Variants in DENND1A observed in about 807,000 individuals in gnomAD.
DENND1A encodes the protein DENN domain containing 1A.
A neutral mutation model predicts 113.7 loss-of-function variants in DENND1A; 51 were observed. The observed-to-expected ratio is 0.45, with a 90% CI of 0.36 to 0.57. The LOEUF is 0.57. Among genes scored for constraint, DENND1A ranks in the 20% least tolerant of loss-of-function variants. The pLI is 0.00. For synonymous variants in DENND1A, 565 were observed against 570.8 expected (o/e 0.99, Z 0.14); for missense variants, 1,258 against 1,395.9 (o/e 0.90, Z 1.57).
At position 123,680,924 on chromosome 9, in the gene DENND1A, G is replaced by T. The variant is rs574895982; in HGVS notation, c.303-4135C>A. On this transcript the variant is annotated intron_variant, in intron 5 of 23. Transcript: ENST00000394215. ...GGCAGCAACCACCTGGGAGAATGCT[G>T]GTCCACAGCAGGACATCAGACTCAG... 3.9e-5 allele frequency among the ~76,000 whole-genome samples: 6 copies of T among 152,262 alleles called. No individual in the cohort carries two copies. In the South Asian group the frequency reaches 1.2e-3, roughly 32 times the overall value.
chr9:123,560,999 C>T (rs562183427), intron 12 of DENND1A, among the ~76,000 whole-genome samples: 1 of 152,230 alleles, frequency 6.6e-6, no homozygotes, highest in East Asian at 1.9e-4. Flanking sequence ...TATTAACATG[C>T]TAAAAATACT....
At position 123,836,050 on chromosome 9, in the gene DENND1A, T is replaced by G. The variant is rs78696202; in HGVS notation, c.88+42901A>C. On this transcript the variant is annotated intron_variant, in intron 2 of 23. Coordinates refer to ENST00000394215, the MANE Select transcript of DENND1A (RefSeq NM_001352964.2). ...CACACAGTAGGTGTTTGGCAGTTACTATTATTATTTCTCCTTGGTTCCGGG... is the reference window on the plus strand; with the variant it reads ...CACACAGTAGGTGTTTGGCAGTTACGATTATTATTTCTCCTTGGTTCCGGG... Among the ~76,000 whole-genome samples the G allele has an allele frequency of 3.0e-4, 46 of 152,300 alleles. No homozygotes were observed. In the East Asian group the frequency reaches 8.9e-3, roughly 29 times the overall value.
chr9:123,621,201 T>C (rs569633721), intron 10 of DENND1A, among the ~76,000 whole-genome samples: 2,034 of 150,748 alleles, frequency 0.013, 44 homozygotes, highest in African/African-American at 0.047. Flanking sequence ...TTTTTTTTTT[T>C]CCAAGACAGG....
Position 123,414,191 on chromosome 9 carries a change from C to A in DENND1A, c.1489-2362G>T, listed in dbSNP as rs1002705983. ...GGCCCACGATTTGACCATTCCAAGC[C>A]TTACTGTCCTCATCTGTGAAGTACA... is the stretch of plus-strand genomic sequence containing the variant. On this transcript the variant is annotated intron_variant, in intron 19 of 23. Coordinates refer to ENST00000394215, the MANE Select transcript of DENND1A (RefSeq NM_001352964.2). 1.3e-5 allele frequency: 14 copies of A among 1,057,606 alleles called. No homozygotes were observed. In the African/African-American group the frequency reaches 2.2e-4, roughly 16 times the overall value. The allele number at this position is 1,057,606 out of a possible 1,614,324, so 65.5% of individuals were successfully genotyped here.
chr9:123,711,487 A>AAATATATATATATATGTATATATG (rs1564997543), intron 5 of DENND1A, among the ~76,000 whole-genome samples: 44 of 64,752 alleles, frequency 6.8e-4, no homozygotes, highest in African/African-American at 1.2e-3. Flanking sequence ...AAATTAAAAA[A>AAATATATATATATATGTATATATG]TATATATATA....
chr9:123,641,659 C>T (rs1254622441), intron 9 of DENND1A, among the ~76,000 whole-genome samples: 1 of 152,128 alleles, frequency 6.6e-6, no homozygotes, highest in Non-Finnish European at 1.5e-5. Flanking sequence ...TAAACATCTT[C>T]TAAATGAACT....
intron 19 of DENND1A, among the ~76,000 whole-genome samples, chr9:123,420,587 CGTGA>C (rs2045196723): frequency 1.3e-5 from 2 of 152,136 alleles, no homozygotes; most frequent in Non-Finnish European, 2.9e-5. Context: ...CTCTCTTTGC[CGTGA>C]GTGAGTGCTG....
chr9:123,609,866 G>A (rs1368515252), intron 10 of DENND1A, among the ~76,000 whole-genome samples: 1 of 152,214 alleles, frequency 6.6e-6, no homozygotes, highest in East Asian at 1.9e-4. Context: ...ATACAGATGG[G>A]AACGATTATT....
intron 1 of DENND1A, among the ~76,000 whole-genome samples, chr9:123,886,016 T>C (rs1849023326): frequency 6.6e-6 from 1 of 152,130 alleles, no homozygotes; most frequent in South Asian, 2.1e-4. Flanking sequence ...GACCTCAACT[T>C]ATCTGCCCGT....
At chr9:123,447,298 C>CT (rs1282668056) in intron 18 of DENND1A, among the ~76,000 whole-genome samples, 2 of 152,196 alleles carry the variant, frequency 1.3e-5, no homozygotes, top group Non-Finnish European at 2.9e-5. Context: ...ATCCATCCTT[C>CT]TTTTTTTGTT....
intron 13 of DENND1A, among the ~76,000 whole-genome samples, chr9:123,474,238 A>G (rs1588706917): frequency 6.6e-6 from 1 of 151,464 alleles, no homozygotes; most frequent in Non-Finnish European, 1.5e-5. Context: ...CAAGTGATCC[A>G]CCCGCCTCGG....
chr9:123,565,466 G>A (rs2058003303), intron 12 of DENND1A, among the ~76,000 whole-genome samples: 1 of 152,144 alleles, frequency 6.6e-6, no homozygotes, highest in Non-Finnish European at 1.5e-5. Flanking sequence ...TGTCACAGTT[G>A]GAGTTGAAAG....
intron 19 of DENND1A, 29 bp downstream of exon 19, chr9:123,440,329 AAC>A (rs1564491473): frequency 7.6e-6 from 12 of 1,573,960 alleles, no homozygotes. Flanking sequence ...AAAAAAACAA[AAC>A]AGACAGGTAG....
At chr9:123,603,157 CA>C (rs200379133) in intron 11 of DENND1A, among the ~76,000 whole-genome samples, 4,442 of 151,634 alleles carry the variant, frequency 0.029, 115 homozygotes, top group Non-Finnish European at 0.037. Flanking sequence ...AAATAAATAT[CA>C]AAAAAAGAGA....
At chr9:123,610,375 A>C (rs1204109812) in intron 10 of DENND1A, among the ~76,000 whole-genome samples, 1 of 152,242 alleles carries the variant, frequency 6.6e-6, no homozygotes, top group Non-Finnish European at 1.5e-5. Context: ...TTTACAGAGA[A>C]GGGACTAGGC....
intron 7 of DENND1A, among the ~76,000 whole-genome samples, chr9:123,670,819 T>C (rs2063728514): frequency 6.6e-6 from 1 of 152,186 alleles, no homozygotes; most frequent in Non-Finnish European, 1.5e-5. Flanking sequence ...GGAGGATTTC[T>C]CTGGAAATAA....
chr9:123,635,903 G>C (rs2061678763), intron 9 of DENND1A, among the ~76,000 whole-genome samples: 2 of 152,052 alleles, frequency 1.3e-5, no homozygotes, highest in Non-Finnish European at 2.9e-5. Flanking sequence ...TCCTTTCCTA[G>C]GTCTCAATTT....
chr9:123,541,874 G>A (rs1442023932), intron 13 of DENND1A, among the ~76,000 whole-genome samples: 2 of 152,208 alleles, frequency 1.3e-5, no homozygotes, highest in African/African-American at 4.8e-5. Context: ...GCGGTTCAGG[G>A]AGGAGGGAGG....
chr9:123,668,812 C>T (rs144967885), intron 7 of DENND1A, among the ~76,000 whole-genome samples: 141 of 152,262 alleles, frequency 9.3e-4, no homozygotes, highest in Non-Finnish European at 1.2e-3. Context: ...GACGGTGTAG[C>T]GTGGGAACTA....
Sources: allele counts gnomAD v4.1 joint callset (sites outside exome capture counted in the v4.1 genomes callset), GRCh38; gene constraint gnomAD v4.1.1; transcripts MANE v1.5; gene names NCBI Gene and HGNC (gene_info 2026-07-23, HGNC 2026-07-21).